SLC27A6: variants seen among roughly 807,000 people sequenced by gnomAD.
The protein encoded by SLC27A6 is long-chain fatty acid transport protein 6.
SLC27A6 carries 74 observed loss-of-function variants against 63.9 expected under a neutral mutation model. That is an observed-to-expected ratio of 1.16 (90% CI 0.96 to 1.40). SLC27A6 has a LOEUF of 1.40. Among genes scored for constraint, SLC27A6 ranks in the 40% most tolerant of loss-of-function variants. The pLI is 0.00. For synonymous variants in SLC27A6, 287 were observed against 260.8 expected (o/e 1.10, Z -0.97); for missense variants, 794 against 732.9 (o/e 1.08, Z -0.96).
At chr5:128,993,410 G>C (rs573252808) in intron 4 of SLC27A6, among the ~76,000 whole-genome samples, 1 of 152,208 alleles carries the variant, frequency 6.6e-6, no homozygotes, top group South Asian at 2.1e-4. Context: ...TTTTTAATTA[G>C]AAAAAGTAAA....
intron 5 of SLC27A6, among the ~76,000 whole-genome samples, chr5:129,017,509 A>C (rs1009122530): frequency 5.3e-4 from 80 of 152,264 alleles, no homozygotes; most frequent in African/African-American, 1.9e-3. Context: ...AAATAAACTC[A>C]AAGGAAATAA....
chr5:128,968,210 C>T lies in SLC27A6; in HGVS notation c.481+1592C>T, dbSNP rs180833904. Among the ~76,000 whole-genome samples the T allele has an allele frequency of 1.6e-3, 249 of 152,198 alleles. 1 individual carries two copies. Among genetic ancestry groups the T allele is most frequent in the African/African-American group, 5.0e-3 (207 of 41,508 alleles). On this transcript the variant is annotated intron_variant, in intron 1 of 9. Coordinates refer to ENST00000262462, the MANE Select transcript of SLC27A6 (RefSeq NM_001017372.3). ...AAGTCTTTGCTATTGAGAAAAGTGC[C>T]GCAATAAACATACATGTGTGTGTGT...
chr5:129,021,980 A>T (rs2150153000), intron 5 of SLC27A6, among the ~76,000 whole-genome samples: 1 of 152,298 alleles, frequency 6.6e-6, no homozygotes, highest in African/African-American at 2.4e-5. Context: ...TTTCCAAAAA[A>T]CAAAGCATGT....
intron 4 of SLC27A6, among the ~76,000 whole-genome samples, chr5:129,006,446 AGTGTGTGTGT>A (rs72056782): frequency 5.4e-4 from 78 of 144,130 alleles, no homozygotes; most frequent in African/African-American, 1.2e-3. Context: ...TATATGCATG[AGTGTGTGTGT>A]GTGTGTGTGT....
rs1386817007 is a variant in SLC27A6, at chr5:129,027,308, G to A, written c.1431G>A (p.Trp477Ter). 1 of 1,611,932 alleles carries A rather than the reference G, an allele frequency of 6.2e-7. No individual in the cohort carries two copies. The change falls in exon 7 of 10, where the codon TGG (tryptophan) becomes TGA (stop). Residue 477 changes from tryptophan (W) to a stop codon, truncating the protein, a stop_gained. Transcript: ENST00000262462. LOFTEE classifies it high-confidence loss of function. ...VQDQDNFLYF[W>*]DRTGDTFRWK... is the part of the protein sequence containing the mutation. ...ATCAGGACAATTTCCTTTATTTTTG[G>A]GACCGTACTGGAGACACTTTCAGGT... is the stretch of plus-strand genomic sequence containing the variant.
chr5:129,006,406 T>C (rs76490634), intron 4 of SLC27A6, among the ~76,000 whole-genome samples: 1 of 151,480 alleles, frequency 6.6e-6, no homozygotes, highest in Admixed American at 6.6e-5. Context: ...TTTTTAAAGC[T>C]TTTTTTCTCT....
Position 128,985,333 on chromosome 5 carries a change from A to G in SLC27A6, c.682A>G (p.Thr228Ala). The stretch of plus-strand genomic sequence containing the variant: ...TCTTTACATTTTTACCTCTGGAACA[A>G]CAGGTATGATCCAATTCTTTTGAAG... ...TCLYIFTSGT[T>A]GLPKAAVISQ... is the part of the protein sequence containing the mutation. The change falls in exon 2 of 10, where the codon ACA becomes GCA. Residue 228 changes from threonine (T) to alanine (A), a missense_variant. Physicochemically the swap from Thr to Ala is moderately conservative, Grantham distance 58 (BLOSUM62 0). Coordinates refer to ENST00000262462, the MANE Select transcript of SLC27A6 (RefSeq NM_001017372.3). 6.2e-7 allele frequency: 1 copy of G among 1,613,182 alleles called. No individual in the cohort carries two copies. Among genetic ancestry groups the G allele is most frequent in the Middle Eastern group, 1.7e-4 (1 of 6,024 alleles).
chr5:128,989,879 G>A (rs894909362), intron 3 of SLC27A6, among the ~76,000 whole-genome samples: 18 of 148,624 alleles, frequency 1.2e-4, no homozygotes, highest in Non-Finnish European at 4.4e-5. Flanking sequence ...AGCCGAGTTC[G>A]TGCCACTGCA....
chr5:128,969,507 A>G (rs1425450619), intron 1 of SLC27A6, among the ~76,000 whole-genome samples: 1 of 151,974 alleles, frequency 6.6e-6, no homozygotes, highest in Non-Finnish European at 1.5e-5. Flanking sequence ...ATTCCTAGGT[A>G]TTTTATTCTC....
Position 129,017,983 on chromosome 5 carries a change from C to T in SLC27A6, c.1164+1904C>T, listed in dbSNP as rs549955879. 5.3e-5 allele frequency among the ~76,000 whole-genome samples: 8 copies of T among 152,180 alleles called. No homozygotes were observed. The South Asian group carries it at 6.2e-4, about 12-fold the overall frequency. ...ACTCATTTTTTGACTCCAAACCTGA[C>T]GTAATAGTGCAAGAACGAAAGTACT... On this transcript the variant is annotated intron_variant, in intron 5 of 9. Coordinates refer to ENST00000262462, the MANE Select transcript of SLC27A6 (RefSeq NM_001017372.3).
At chr5:128,972,256 T>C (rs978339429) in intron 1 of SLC27A6, among the ~76,000 whole-genome samples, 3 of 152,186 alleles carry the variant, frequency 2.0e-5, no homozygotes, top group African/African-American at 7.2e-5. Flanking sequence ...TTGCTCTTCT[T>C]GTGGAGTATC....
chr5:129,022,204 G>A (rs1752096506), intron 5 of SLC27A6, among the ~76,000 whole-genome samples: 1 of 152,098 alleles, frequency 6.6e-6, no homozygotes. Context: ...CAATATATTT[G>A]CTTTGCTGCC....
At chr5:128,979,857 G>A (rs1750524411) in intron 1 of SLC27A6, among the ~76,000 whole-genome samples, 1 of 152,076 alleles carries the variant, frequency 6.6e-6, no homozygotes, top group Admixed American at 6.6e-5. Flanking sequence ...ATCATGTCAG[G>A]AAAAAATATG....
At chr5:128,989,191 C>A (rs1303154938) in intron 3 of SLC27A6, among the ~76,000 whole-genome samples, 1 of 152,190 alleles carries the variant, frequency 6.6e-6, no homozygotes, top group African/African-American at 2.4e-5. Flanking sequence ...ATTCAAGATT[C>A]CAGGGCTGGA....
chr5:129,015,882 CAGAG>C lies in SLC27A6; in HGVS notation c.971_974del (p.Arg324LysfsTer25). On this transcript the variant is annotated splice_acceptor_variant and coding_sequence_variant, in exon 5 of 10. Transcript: ENST00000262462. LOFTEE classifies it high-confidence loss of function. ...TTACAAGTAAAACATTTTCTTCTAA[CAGAG>C]AGAAGGAGAAAAGGATCATAAGGTG... is the stretch of plus-strand genomic sequence containing the variant. 1 of 1,565,734 alleles carries C rather than the reference CAGAG, an allele frequency of 6.4e-7. No individual in the cohort carries two copies. The highest frequency in any genetic ancestry group is 8.6e-7 in the Non-Finnish European group (1 of 1,162,266).
At chr5:128,996,028 A>AT (rs1189218413) in intron 4 of SLC27A6, among the ~76,000 whole-genome samples, 1 of 139,204 alleles carries the variant, frequency 7.2e-6, no homozygotes, top group Non-Finnish European at 1.5e-5. Context: ...ATTAAAATTA[A>AT]TTTTTTTGAT....
At chr5:129,030,082 T>A (rs1752368471) in intron 9 of SLC27A6, among the ~76,000 whole-genome samples, 1 of 152,052 alleles carries the variant, frequency 6.6e-6, no homozygotes, top group Admixed American at 6.6e-5. Flanking sequence ...TGGCAAGATG[T>A]GTGCAGAACC....
chr5:129,004,401 T>TTC (rs376325386), intron 4 of SLC27A6, among the ~76,000 whole-genome samples: 1 of 152,196 alleles, frequency 6.6e-6, no homozygotes, highest in African/African-American at 2.4e-5. Flanking sequence ...CTTGCTTTCT[T>TTC]TCTCTCTGAG....
rs115069862 is a variant in SLC27A6, at chr5:129,014,786, G to C, written c.970-1099G>C. On this transcript the variant is annotated intron_variant, in intron 4 of 9. Transcript: ENST00000262462. ...TCCTCATTCTTTTTGATGCTTGCTT[G>C]ACACTTTCAGGAACCCTTGTCGAGT... is the stretch of plus-strand genomic sequence containing the variant. Among the ~76,000 whole-genome samples the C allele has an allele frequency of 2.6e-3, 395 of 152,220 alleles. 1 individual carries two copies. The highest frequency in any genetic ancestry group is 8.9e-3 in the African/African-American group (371 of 41,524).
Sources: allele counts gnomAD v4.1 joint callset (sites outside exome capture counted in the v4.1 genomes callset), GRCh38; gene constraint gnomAD v4.1.1; transcripts MANE v1.5; gene names NCBI Gene and HGNC (gene_info 2026-07-23, HGNC 2026-07-21).